The following RALGAPA2 variants were observed in gnomAD, a reference collection of about 807,000 sequenced individuals.
The protein encoded by RALGAPA2 is Ral GTPase activating protein catalytic subunit alpha 2.
RALGAPA2 carries 139 observed loss-of-function variants against 230.4 expected under a neutral mutation model. That is an observed-to-expected ratio of 0.60 (90% CI 0.53 to 0.69). RALGAPA2 has a LOEUF of 0.69. RALGAPA2 is among the 30% of genes least tolerant of loss of function. The pLI is 0.00. For synonymous variants in RALGAPA2, 847 were observed against 837.8 expected, an observed-to-expected ratio of 1.01 and a Z score of -0.19; for missense variants, 2,163 against 2,276.0, an observed-to-expected ratio of 0.95 and a Z score of 1.01.
chr20:20,641,658 T>G (rs1351240175), intron 5 of RALGAPA2, among the ~76,000 whole-genome samples: 1 of 151,370 alleles, frequency 6.6e-6, no homozygotes, highest in Non-Finnish European at 1.5e-5. Context: ...CTGAAAAGAT[T>G]ATGTCAATAA....
intron 37 of RALGAPA2, among the ~76,000 whole-genome samples, chr20:20,464,113 C>T (rs954033692): frequency 3.9e-5 from 6 of 152,194 alleles, no homozygotes; most frequent in African/African-American, 1.4e-4. Context: ...TCTTCCACAA[C>T]CTTCCCGCAA....
intron 8 of RALGAPA2, among the ~76,000 whole-genome samples, chr20:20,636,878 T>A (rs2040110540): frequency 6.6e-6 from 1 of 152,138 alleles, no homozygotes; most frequent in Admixed American, 6.5e-5. Context: ...GTCCATAGCT[T>A]GTCCAATCAC....
intron 39 of RALGAPA2, among the ~76,000 whole-genome samples, chr20:20,395,792 A>G (rs530047515): frequency 1.3e-4 from 20 of 152,152 alleles, no homozygotes; most frequent in Non-Finnish European, 2.5e-4. Flanking sequence ...GAAGGTTTGG[A>G]TAAACCAACA....
At chr20:20,624,760 A>G (rs151337795) in intron 10 of RALGAPA2, among the ~76,000 whole-genome samples, 1,704 of 152,282 alleles carry the variant, frequency 0.011, 45 homozygotes, top group African/African-American at 0.039. Context: ...CAAATCTTTC[A>G]GCAATTAATA....
At position 20,634,148 on chromosome 20, in the gene RALGAPA2, A is replaced by AT. The variant is rs564616902; in HGVS notation, c.1005+1269dup. Reference sequence around the variant, plus strand: ...CTTTAAGTTTGAGGCACACCTTTTTATTTTTTTTTTTCAGTTCAGATAAAC... The same window carrying AT: ...CTTTAAGTTTGAGGCACACCTTTTTATTTTTTTTTTTTCAGTTCAGATAAAC... On this transcript the variant is annotated intron_variant, in intron 9 of 39. Coordinates refer to ENST00000202677, the MANE Select transcript of RALGAPA2 (RefSeq NM_020343.4). Among the ~76,000 whole-genome samples the AT allele has an allele frequency of 8.7e-4, 123 of 141,460 alleles. No homozygotes were observed. In the South Asian group the frequency reaches 0.011, roughly 13 times the overall value. The allele number at this position is 141,460 out of a possible 152,430, so 92.8% of individuals were successfully genotyped here. A position where few individuals can be genotyped will look rare whatever the true frequency, so the allele number is the denominator to read the frequency against.
intron 35 of RALGAPA2, among the ~76,000 whole-genome samples, chr20:20,498,461 T>G (rs980973393): frequency 6.6e-6 from 1 of 152,232 alleles, no homozygotes; most frequent in African/African-American, 2.4e-5. Flanking sequence ...TGCACGCCAC[T>G]GGTGACACCG....
At position 20,622,274 on chromosome 20, in the gene RALGAPA2, G is replaced by GA. The variant is rs995214489; in HGVS notation, c.1234-1645dup. On this transcript the variant is annotated intron_variant, in intron 10 of 39. Coordinates refer to ENST00000202677, the MANE Select transcript of RALGAPA2 (RefSeq NM_020343.4). ...TGACTGGAGATGCAGAAAAAAACAG[G>GA]AAAAAAAAAGATGGGGGAAAGAAAC... 1.6e-4 allele frequency among the ~76,000 whole-genome samples: 24 copies of GA among 150,456 alleles called. No homozygotes were observed. In the Middle Eastern group the frequency reaches 0.01, roughly 64 times the overall value.
chr20:20,495,915 T>C (rs2062191328), intron 35 of RALGAPA2, among the ~76,000 whole-genome samples: 1 of 152,198 alleles, frequency 6.6e-6, no homozygotes, highest in South Asian at 2.1e-4. Context: ...CATTTAATCT[T>C]CCCACTAACT....
chr20:20,542,971 G>A (rs1289191274), intron 24 of RALGAPA2, among the ~76,000 whole-genome samples: 1 of 152,074 alleles, frequency 6.6e-6, no homozygotes, highest in East Asian at 1.9e-4. Context: ...GAGTGAACAG[G>A]CAACCTACAG....
chr20:20,446,392 T>C (rs2060863628), intron 37 of RALGAPA2, among the ~76,000 whole-genome samples: 1 of 152,140 alleles, frequency 6.6e-6, no homozygotes, highest in Non-Finnish European at 1.5e-5. Context: ...CATCTTACAG[T>C]GAAAGAGGTA....
In RALGAPA2 at chr20:20,639,818, A is replaced by G. The variant is rs1260055521; in HGVS notation, c.633T>C (p.Phe211=). The G allele has an allele frequency of 6.2e-7, 1 of 1,613,168 alleles. No individual in the cohort carries two copies. The highest frequency in any genetic ancestry group is 1.7e-5 in the Admixed American group (1 of 60,018). The change falls in exon 7 of 40, where the codon TTT becomes TTC. Residue 211 remains phenylalanine, a synonymous_variant. Transcript: ENST00000202677. ...CCATATACTTCAACAGTATTTGAAG[A>G]AAAAAGCAGGTTTGGTCCTCAGCAA... is the stretch of plus-strand genomic sequence containing the variant. The part of the protein sequence containing the change: ...EKIAEDQTCF[F]LQILLKYMVI...
chr20:20,516,988 CA>C (rs2062891688), intron 31 of RALGAPA2, among the ~76,000 whole-genome samples: 1 of 152,240 alleles, frequency 6.6e-6, no homozygotes, highest in Non-Finnish European at 1.5e-5. Context: ...TCTACCCCAA[CA>C]GGCAGGCAGC....
chr20:20,689,129 A>G (rs2146898445), intron 1 of RALGAPA2, among the ~76,000 whole-genome samples: 1 of 152,350 alleles, frequency 6.6e-6, no homozygotes, highest in East Asian at 1.9e-4. Flanking sequence ...AATCAGAAAC[A>G]TCCTCCTCAG....
chr20:20,543,581 G>C (rs2063705472), intron 24 of RALGAPA2, among the ~76,000 whole-genome samples: 1 of 152,150 alleles, frequency 6.6e-6, no homozygotes, highest in African/African-American at 2.4e-5. Flanking sequence ...TCCTTTGTAG[G>C]AACATGGATG....
intron 38 of RALGAPA2, among the ~76,000 whole-genome samples, chr20:20,409,227 T>A (rs979350390): frequency 6.6e-6 from 1 of 152,186 alleles, no homozygotes; most frequent in African/African-American, 2.4e-5. Context: ...ACCGAGTGCA[T>A]CTCCCACTTT....
chr20:20,402,122 T>C (rs2059855109), intron 38 of RALGAPA2, among the ~76,000 whole-genome samples: 1 of 152,184 alleles, frequency 6.6e-6, no homozygotes, highest in Admixed American at 6.5e-5. Flanking sequence ...TGGAGAGGCC[T>C]AAGTGCTCGA....
intron 16 of RALGAPA2, among the ~76,000 whole-genome samples, chr20:20,594,035 C>T (rs899475123): frequency 6.6e-6 from 1 of 152,020 alleles, no homozygotes; most frequent in African/African-American, 2.4e-5. Flanking sequence ...CAGGAGCACT[C>T]GTGATTTAGT....
intron 25 of RALGAPA2, 129 bp from the exon 26 acceptor site, chr20:20,535,932 G>A: frequency 1.5e-6 from 2 of 1,370,330 alleles, no homozygotes; most frequent in Non-Finnish European, 1.9e-6. Flanking sequence ...TCATCTATGA[G>A]TGAGAGCCTG....
At chr20:20,490,723 G>T (rs1602525500) in intron 36 of RALGAPA2, among the ~76,000 whole-genome samples, 2 of 152,180 alleles carry the variant, frequency 1.3e-5, no homozygotes, top group East Asian at 3.9e-4. Context: ...CCAATCCTAG[G>T]CTCCTCTCAG....
Sources: gnomAD v4.1 joint callset for allele counts (sites outside exome capture counted in the v4.1 genomes callset) on GRCh38, gnomAD v4.1.1 for gene constraint, MANE v1.5 for transcripts, NCBI Gene and HGNC (gene_info 2026-07-23, HGNC 2026-07-21) for gene names.